The following UNC13B variants were observed in gnomAD, a reference collection of about 807,000 sequenced individuals.
The protein encoded by UNC13B is protein unc-13 homolog B.
Under a neutral mutation model 211.0 loss-of-function variants are expected in UNC13B, and 144 were observed. The observed-to-expected ratio is 0.68, with a 90% confidence interval of 0.60 to 0.78. The LOEUF is 0.78. Ranked by LOEUF, UNC13B falls within the 30% of genes least tolerant of loss-of-function variation. The probability of loss-of-function intolerance (pLI) is 0.00; values close to 1 mark genes in which losing one functional copy is unlikely to be tolerated. For synonymous variants in UNC13B, 709 were observed against 725.8 expected, an observed-to-expected ratio of 0.98 and a Z score of 0.37; for missense variants, 1,777 against 2,002.0, an observed-to-expected ratio of 0.89 and a Z score of 2.14.
At chr9:35,194,119 C>T (rs1040269139) in intron 1 of UNC13B, among the ~76,000 whole-genome samples, 15 of 152,098 alleles carry the variant, frequency 9.9e-5, no homozygotes, top group African/African-American at 1.7e-4. Flanking sequence ...ATATACTCTT[C>T]AGACCAAGGG....
At chr9:35,199,660 A>G (rs1823163290) in intron 1 of UNC13B, among the ~76,000 whole-genome samples, 2 of 152,102 alleles carry the variant, frequency 1.3e-5, no homozygotes, top group Admixed American at 6.5e-5. Context: ...GTCTGTTCAT[A>G]TCCTTTGCCC....
At chr9:35,268,338 G>A (rs1827688517) in intron 7 of UNC13B, among the ~76,000 whole-genome samples, 1 of 152,174 alleles carries the variant, frequency 6.6e-6, no homozygotes, top group South Asian at 2.1e-4. Context: ...AAAATTTCCT[G>A]GTTGGGCACA....
Position 35,302,879 on chromosome 9 carries a change from G to A in UNC13B, c.3475G>A (p.Glu1159Lys), listed in dbSNP as rs1829754252. The A allele has an allele frequency of 2.5e-6, 1 of 398,492 alleles. No homozygotes were observed. Among genetic ancestry groups the A allele is most frequent in the African/African-American group, 2.1e-5 (1 of 48,594 alleles). The allele number at this position is 398,492 out of a possible 1,614,324, so 24.7% of individuals were successfully genotyped here. A position where few individuals can be genotyped will look rare whatever the true frequency, so the allele number is the denominator to read the frequency against. The change falls in exon 9 of 40, where the codon GAA becomes AAA. Residue 1159 changes from glutamate (E) to lysine (K), a missense_variant. Glu to Lys is a moderately conservative substitution (Grantham distance 56). Transcript: ENST00000635942. ...SGLFNRFSSAENLSSQELNLK... is the reference protein window; with the variant it reads ...SGLFNRFSSAKNLSSQELNLK... ...CCTGTTTAATAGGTTTTCTTCTGCT[G>A]AAAATTTGTCTAGTCAAGAATTAAA... is the stretch of plus-strand genomic sequence containing the variant.
intron 16 of UNC13B, 85 bp from the exon 17 acceptor site, chr9:35,378,210 C>T: frequency 1.3e-6 from 2 of 1,553,662 alleles, no homozygotes; most frequent in South Asian, 1.1e-5. Flanking sequence ...GGAGCATAGA[C>T]TGCTCTAAGA....
intron 11 of UNC13B, among the ~76,000 whole-genome samples, chr9:35,347,163 G>A (rs540684819): frequency 2.3e-4 from 35 of 152,272 alleles, no homozygotes; most frequent in African/African-American, 4.1e-4. Context: ...GCCTCCCAAA[G>A]TGTTGTGATT....
At chr9:35,212,538 A>T (rs558290943) in intron 1 of UNC13B, among the ~76,000 whole-genome samples, 1 of 152,284 alleles carries the variant, frequency 6.6e-6, no homozygotes, top group South Asian at 2.1e-4. Context: ...GTGCCACTGC[A>T]CTCCATCCTG....
chr9:35,265,199 C>T (rs1827498279), intron 7 of UNC13B, among the ~76,000 whole-genome samples: 1 of 152,160 alleles, frequency 6.6e-6, no homozygotes, highest in Admixed American at 6.5e-5. Context: ...TGTTGAAGCC[C>T]TAGTCCCCAG....
chr9:35,333,480 A>ATC (rs1168261282), intron 11 of UNC13B, among the ~76,000 whole-genome samples: 1 of 152,200 alleles, frequency 6.6e-6, no homozygotes. Context: ...AATATCATAC[A>ATC]TGTAGAGCAG....
intron 5 of UNC13B, among the ~76,000 whole-genome samples, chr9:35,242,633 G>A (rs1825871298): frequency 6.6e-6 from 1 of 152,040 alleles, no homozygotes; most frequent in African/African-American, 2.4e-5. Flanking sequence ...TCCTTTTAAG[G>A]CTGAATAATG....
At chr9:35,270,227 A>T (rs889700258) in intron 7 of UNC13B, among the ~76,000 whole-genome samples, 2 of 152,050 alleles carry the variant, frequency 1.3e-5, no homozygotes, top group African/African-American at 4.8e-5. Context: ...GGCTCTTTGG[A>T]TGGAACTAGG....
intron 1 of UNC13B, among the ~76,000 whole-genome samples, chr9:35,191,887 T>C (rs1167076527): frequency 6.6e-6 from 1 of 152,190 alleles, no homozygotes; most frequent in African/African-American, 2.4e-5. Flanking sequence ...TAACCTAAGG[T>C]ACCCTTTCTT....
At chr9:35,168,505 A>T (rs1277216936) in intron 1 of UNC13B, among the ~76,000 whole-genome samples, 1 of 151,974 alleles carries the variant, frequency 6.6e-6, no homozygotes, top group Non-Finnish European at 1.5e-5. Context: ...ATATAATTAT[A>T]CTCAGTTGGA....
intron 1 of UNC13B, among the ~76,000 whole-genome samples, chr9:35,175,143 G>A (rs188625205): frequency 1.3e-5 from 2 of 152,262 alleles, no homozygotes; most frequent in Admixed American, 1.3e-4. Flanking sequence ...AGGGAGGAAA[G>A]TTGGGTTCCG....
At chr9:35,184,759 AG>A (rs1822249525) in intron 1 of UNC13B, among the ~76,000 whole-genome samples, 4 of 52,310 alleles carry the variant, frequency 7.6e-5, no homozygotes, top group East Asian at 8.1e-4. Context: ...AAAGAAAGAA[AG>A]GAAGGAAGGA....
chr9:35,298,945 C>T (rs757989849), intron 8 of UNC13B, among the ~76,000 whole-genome samples: 2 of 152,060 alleles, frequency 1.3e-5, no homozygotes, highest in Non-Finnish European at 2.9e-5. Flanking sequence ...ATTATAATGC[C>T]TTAGGCTGGG....
At chr9:35,166,124 G>A (rs1821026723) in intron 1 of UNC13B, among the ~76,000 whole-genome samples, 1 of 152,160 alleles carries the variant, frequency 6.6e-6, no homozygotes, top group African/African-American at 2.4e-5. Flanking sequence ...GCTCTTGCCT[G>A]TAATCCCAGC....
In UNC13B at chr9:35,205,759, A is replaced by G. The variant is rs114024608; in HGVS notation, c.23-22256A>G. 5.6e-4 allele frequency among the ~76,000 whole-genome samples: 86 copies of G among 152,326 alleles called. 1 individual carries two copies. Among genetic ancestry groups the G allele is most frequent in the African/African-American group, 1.9e-3 (80 of 41,576 alleles). ...CCTTTTTATGCCTGAATAATATTCC[A>G]TTATATGGGTATACTATAATTTGTT... On this transcript the variant is annotated intron_variant, in intron 1 of 39. Transcript: ENST00000635942.
intron 1 of UNC13B, among the ~76,000 whole-genome samples, chr9:35,200,614 T>A (rs190691068): frequency 0.014 from 2,083 of 152,242 alleles, 36 homozygotes; most frequent in Non-Finnish European, 0.018. Context: ...ATGGGAGTTC[T>A]CTCATGATTT....
intron 11 of UNC13B, among the ~76,000 whole-genome samples, chr9:35,343,979 C>T (rs1454477344): frequency 6.6e-6 from 1 of 151,936 alleles, no homozygotes; most frequent in East Asian, 1.9e-4. Flanking sequence ...ATTAATTCTA[C>T]CTGTTTCTTT....
Sources: gnomAD v4.1 joint callset for allele counts (sites outside exome capture counted in the v4.1 genomes callset) on GRCh38, gnomAD v4.1.1 for gene constraint, MANE v1.5 for transcripts, NCBI Gene and HGNC (gene_info 2026-07-23, HGNC 2026-07-21) for gene names.